Variants in PARD3B observed in about 807,000 individuals in gnomAD.
PARD3B encodes par-3 family cell polarity regulator beta.
Under a neutral mutation model 130.2 loss-of-function variants are expected in PARD3B, and 103 were observed. The observed-to-expected ratio is 0.79, with a 90% CI of 0.67 to 0.93. The LOEUF (loss-of-function observed/expected upper bound fraction) is 0.93. Ranked by LOEUF, PARD3B falls within the 40% of genes least tolerant of loss-of-function variation. The pLI is 0.00. For synonymous variants in PARD3B, 583 were observed against 553.2 expected, an observed-to-expected ratio of 1.05 and a Z score of -0.76; for missense variants, 1,609 against 1,499.2, an observed-to-expected ratio of 1.07 and a Z score of -1.21.
intron 3 of PARD3B, among the ~76,000 whole-genome samples, chr2:205,006,398 A>G (rs1044403647): frequency 1.3e-5 from 2 of 152,206 alleles, no homozygotes; most frequent in South Asian, 2.1e-4. Flanking sequence ...GCTATTTTCC[A>G]TAGTTGTACT....
Position 204,646,326 on chromosome 2 carries a change from C to A in PARD3B, c.121-39855C>A, listed in dbSNP as rs534083364. On this transcript the variant is annotated intron_variant, in intron 1 of 22. Transcript: ENST00000406610. ...ATTATTCCTTTCTTTTCTTTCCTAC[C>A]TAATGTAGGACTCTAAACATTCAGT... is the stretch of plus-strand genomic sequence containing the variant. 3.9e-5 allele frequency among the ~76,000 whole-genome samples: 6 copies of A among 152,078 alleles called. No homozygotes were observed. The South Asian group carries it at 1.2e-3, about 32-fold the overall frequency.
intron 2 of PARD3B, among the ~76,000 whole-genome samples, chr2:204,723,041 G>T (rs906252536): frequency 9.2e-5 from 14 of 152,138 alleles, no homozygotes; most frequent in Non-Finnish European, 1.5e-4. Context: ...GATATTCTAT[G>T]TATAGCCATT....
chr2:205,231,525 T>G (rs1198955285), intron 15 of PARD3B, among the ~76,000 whole-genome samples: 1 of 148,312 alleles, frequency 6.7e-6, no homozygotes, highest in African/African-American at 2.5e-5. Flanking sequence ...TTTGTAGAGA[T>G]GGGGTTTTGC....
intron 18 of PARD3B, among the ~76,000 whole-genome samples, chr2:205,385,488 A>G (rs1207730324): frequency 6.6e-6 from 1 of 152,166 alleles, no homozygotes; most frequent in Non-Finnish European, 1.5e-5. Flanking sequence ...ATTCCTATAG[A>G]GGGCTTTCTG....
Position 205,351,468 on chromosome 2 carries a change from G to C in PARD3B, c.2631-49545G>C, listed in dbSNP as rs1211297785. ...AGGTGCTGGAGGGATTTTGCCAACT[G>C]CACCTGGTGCTGAGTGAGTGGTAGC... On this transcript the variant is annotated intron_variant, in intron 18 of 22. Coordinates refer to ENST00000406610, the MANE Select transcript of PARD3B (RefSeq NM_001302769.2). This position sits in a 1 kb window ranked among gnomAD's most constrained non-coding sequence, Gnocchi z 4.2. 6.6e-6 allele frequency among the ~76,000 whole-genome samples: 1 copy of C among 152,136 alleles called. No homozygotes were observed. The highest frequency in any genetic ancestry group is 1.5e-5 in the Non-Finnish European group (1 of 68,028).
chr2:205,488,072 C>T (rs535195234), intron 20 of PARD3B, among the ~76,000 whole-genome samples: 62 of 152,218 alleles, frequency 4.1e-4, no homozygotes, highest in African/African-American at 1.2e-3. Context: ...TTTGGACCGT[C>T]GAGTCCTTTG....
chr2:205,465,483 G>A (rs924450159), intron 20 of PARD3B, among the ~76,000 whole-genome samples: 2 of 152,258 alleles, frequency 1.3e-5, no homozygotes, highest in East Asian at 1.9e-4. Context: ...TATAAAACTC[G>A]ATTTCATTAT....
intron 20 of PARD3B, among the ~76,000 whole-genome samples, chr2:205,493,669 G>A (rs1006024569): frequency 2.0e-5 from 3 of 151,862 alleles, no homozygotes; most frequent in Non-Finnish European, 2.9e-5. Flanking sequence ...CTCCAGATAG[G>A]AATATTCCTG....
At chr2:204,658,809 A>G (rs1269664635) in intron 1 of PARD3B, among the ~76,000 whole-genome samples, 1 of 152,192 alleles carries the variant, frequency 6.6e-6, no homozygotes, top group Non-Finnish European at 1.5e-5. Flanking sequence ...TTTTATTTCC[A>G]GGGTACAATC....
chr2:205,609,246 T>C (rs903439743), intron 22 of PARD3B, among the ~76,000 whole-genome samples: 3 of 152,188 alleles, frequency 2.0e-5, no homozygotes, highest in Non-Finnish European at 4.4e-5. Context: ...ACTAAAAGCA[T>C]CTCTGTGCAC....
intron 16 of PARD3B, among the ~76,000 whole-genome samples, chr2:205,257,000 C>G (rs771508389): frequency 5.3e-5 from 8 of 152,104 alleles, no homozygotes; most frequent in Non-Finnish European, 7.4e-5. Context: ...AGGGCAAAAA[C>G]TTAGTCCTAG....
chr2:205,060,841 A>G (rs1700024373), intron 4 of PARD3B, among the ~76,000 whole-genome samples: 1 of 152,152 alleles, frequency 6.6e-6, no homozygotes, highest in Non-Finnish European at 1.5e-5. Flanking sequence ...ATGAATGTGA[A>G]TCTTATATTA....
intron 2 of PARD3B, among the ~76,000 whole-genome samples, chr2:204,857,894 T>C (rs2045017981): frequency 6.6e-6 from 1 of 152,178 alleles, no homozygotes; most frequent in South Asian, 2.1e-4. Flanking sequence ...CATTAAGAGC[T>C]CATCCCAAGA....
chr2:204,734,662 C>G (rs2039666462), intron 2 of PARD3B, among the ~76,000 whole-genome samples: 3 of 152,126 alleles, frequency 2.0e-5, no homozygotes, highest in Admixed American at 2.0e-4. Context: ...AGACTGTATA[C>G]TATAATATGA....
At chr2:204,550,344 T>C (rs1032160540) in intron 1 of PARD3B, among the ~76,000 whole-genome samples, 2 of 152,154 alleles carry the variant, frequency 1.3e-5, no homozygotes, top group Admixed American at 6.5e-5. Flanking sequence ...TAGTTTTTTT[T>C]CTAAATATTT....
chr2:205,553,426 A>G, intron 22 of PARD3B, 23 bp downstream of exon 22: 2 of 1,598,290 alleles, frequency 1.3e-6, no homozygotes, highest in East Asian at 2.2e-5. Context: ...GAGGTCTCCC[A>G]TCTCCAGCTC....
At chr2:204,896,414 C>G (rs1009759907) in intron 2 of PARD3B, among the ~76,000 whole-genome samples, 1 of 152,094 alleles carries the variant, frequency 6.6e-6, no homozygotes, top group East Asian at 1.9e-4. Flanking sequence ...GTTAAGCTAC[C>G]TGGGCTTGAC....
intron 20 of PARD3B, among the ~76,000 whole-genome samples, chr2:205,454,443 A>G (rs1404677386): frequency 6.6e-6 from 1 of 152,138 alleles, no homozygotes; most frequent in African/African-American, 2.4e-5. Context: ...TTTTAAGGAG[A>G]CGTTTTAATA....
intron 2 of PARD3B, among the ~76,000 whole-genome samples, chr2:204,692,946 T>C (rs533350691): frequency 1.3e-5 from 2 of 152,092 alleles, no homozygotes; most frequent in South Asian, 4.1e-4. Context: ...CTGTAGCTGA[T>C]TTAGTTCCTG....
Sources: gnomAD v4.1 joint callset for allele counts (sites outside exome capture counted in the v4.1 genomes callset) on GRCh38, gnomAD v4.1.1 for gene constraint, Gnocchi (gnomAD v3.1) non-coding constraint, MANE v1.5 for transcripts, NCBI Gene and HGNC (gene_info 2026-07-23, HGNC 2026-07-21) for gene names.